RPS6KB1: variants seen among roughly 807,000 people sequenced by gnomAD.
The protein encoded by RPS6KB1 is ribosomal protein S6 kinase beta-1.
In RPS6KB1, 12 loss-of-function variants were observed where a neutral mutation model predicts 70.2. The observed-to-expected ratio is 0.17, with a 90% confidence interval of 0.11 to 0.28. RPS6KB1 has a LOEUF of 0.28. RPS6KB1 is among the 10% of genes least tolerant of loss of function. The pLI, the probability that RPS6KB1 is intolerant of heterozygous loss-of-function variation, is 1.00. For synonymous variants in RPS6KB1, 175 were observed against 211.2 expected, an observed-to-expected ratio of 0.83 and a Z score of 1.49; for missense variants, 270 against 646.6, an observed-to-expected ratio of 0.42 and a Z score of 6.32.
chr17:59,914,606 T>G, intron 3 of RPS6KB1, 29 bp from the exon 4 acceptor site: 1 of 1,580,832 alleles, frequency 6.3e-7, no homozygotes, highest in Non-Finnish European at 8.7e-7. Flanking sequence ...AGTTTGCCTT[T>G]GAATAACACA....
chr17:59,906,020 T>C (rs150453426), intron 1 of RPS6KB1, among the ~76,000 whole-genome samples: 3 of 152,274 alleles, frequency 2.0e-5, no homozygotes, highest in African/African-American at 7.2e-5. Context: ...TTTTTGTGTA[T>C]AGTGTGAAGT....
In RPS6KB1 at chr17:59,948,433, A is replaced by G. The variant is rs551910944; in HGVS notation, c.*1645A>G. On this transcript the variant is annotated 3_prime_UTR_variant, in exon 15 of 15. Coordinates refer to ENST00000225577, the MANE Select transcript of RPS6KB1 (RefSeq NM_003161.4). Reference sequence around the variant, plus strand: ...TAGATGCTGCTTGCTATGTTTTCAAACCTTTTTGAGCCATAGGATCCAAGC... The same window carrying G: ...TAGATGCTGCTTGCTATGTTTTCAAGCCTTTTTGAGCCATAGGATCCAAGC... The G allele has an allele frequency of 6.6e-6, 1 of 152,482 alleles. No individual in the cohort carries two copies. The highest frequency in any genetic ancestry group is 2.4e-5 in the African/African-American group (1 of 41,510). 9.4% of individuals were successfully genotyped at this position (152,482 alleles called of 1,614,324 possible). A position where few individuals can be genotyped will look rare whatever the true frequency, so the allele number is the denominator to read the frequency against.
chr17:59,908,096 G>T (rs1450424166), intron 1 of RPS6KB1, among the ~76,000 whole-genome samples: 1 of 151,896 alleles, frequency 6.6e-6, no homozygotes, highest in Non-Finnish European at 1.5e-5. Flanking sequence ...ATGTTACTCT[G>T]TGTATTAAAA....
chr17:59,923,803 C>T (rs920965051), intron 4 of RPS6KB1, among the ~76,000 whole-genome samples: 5 of 152,030 alleles, frequency 3.3e-5, no homozygotes, highest in South Asian at 4.2e-4. Context: ...CCACCGTGCC[C>T]GACCACATTC....
chr17:59,944,608 TC>T (rs748652581), intron 13 of RPS6KB1, among the ~76,000 whole-genome samples: 2 of 151,938 alleles, frequency 1.3e-5, no homozygotes, highest in African/African-American at 2.4e-5. Flanking sequence ...AAAAACGAAT[TC>T]TGTCCAATCA....
At chr17:59,914,261 T>G (rs1202477553) in intron 3 of RPS6KB1, among the ~76,000 whole-genome samples, 1 of 152,114 alleles carries the variant, frequency 6.6e-6, no homozygotes, top group Non-Finnish European at 1.5e-5. Context: ...CAACTATTTT[T>G]AAATAGTTTT....
intron 5 of RPS6KB1, among the ~76,000 whole-genome samples, 192 bp downstream of exon 5, chr17:59,926,774 A>AT (rs1377181426): frequency 6.6e-6 from 1 of 152,110 alleles, no homozygotes; most frequent in Non-Finnish European, 1.5e-5. Flanking sequence ...GAAACTAAAG[A>AT]TTTTTTTCCC....
chr17:59,912,513 C>T, intron 2 of RPS6KB1, 171 bp from the exon 3 acceptor site: 1 of 552,520 alleles, frequency 1.8e-6, no homozygotes, highest in East Asian at 3.1e-5. Context: ...ATCAGGCCAC[C>T]CTCCTCTTGA....
At chr17:59,912,240 A>G (rs1000486347) in intron 2 of RPS6KB1, 2 of 220,738 alleles carry the variant, frequency 9.1e-6, no homozygotes, top group South Asian at 6.8e-5. Context: ...TGAAAATTCA[A>G]TCAGGGTTCT....
At chr17:59,914,595 T>G (rs1598717942) in intron 3 of RPS6KB1, 40 bp from the exon 4 acceptor site, 3 of 1,440,610 alleles carry the variant, frequency 2.1e-6, no homozygotes, top group Non-Finnish European at 2.9e-6. Context: ...ATGCCTGACA[T>G]AGTTTGCCTT....
chr17:59,943,392 A>G (rs113763915), intron 13 of RPS6KB1, among the ~76,000 whole-genome samples: 7,588 of 152,176 alleles, frequency 0.05, 592 homozygotes, highest in African/African-American at 0.17. Context: ...CCCCCCACAA[A>G]ATAGAAGCAT....
chr17:59,942,380 T>C (rs1007428110), intron 13 of RPS6KB1, among the ~76,000 whole-genome samples: 6 of 152,260 alleles, frequency 3.9e-5, no homozygotes, highest in Admixed American at 3.9e-4. Flanking sequence ...TAAAGGTTTT[T>C]GATGTTGGCC....
intron 1 of RPS6KB1, among the ~76,000 whole-genome samples, chr17:59,900,171 AACACACACACACACACACACACACACAC>A (rs759914423): frequency 3.5e-4 from 36 of 102,494 alleles, no homozygotes; most frequent in Admixed American, 1.1e-3. Context: ...CTAATTGCTA[AACACACACACACACACACACACACACAC>A]ACACACACAC....
chr17:59,897,204 C>A (rs922887012), intron 1 of RPS6KB1, among the ~76,000 whole-genome samples: 2 of 152,174 alleles, frequency 1.3e-5, no homozygotes, highest in African/African-American at 4.8e-5. Flanking sequence ...TGTGGTATGT[C>A]AAAAGTGAAT....
At position 59,949,867 on chromosome 17, in the gene RPS6KB1, A is replaced by G. The variant is rs1484940360; in HGVS notation, c.*3079A>G. Reference sequence around the variant, plus strand: ...ATTAATATACTGAGCCTTGGATTATATATTTAATATAGGACCTATTTTGAA... The same window carrying G: ...ATTAATATACTGAGCCTTGGATTATGTATTTAATATAGGACCTATTTTGAA... On this transcript the variant is annotated 3_prime_UTR_variant, in exon 15 of 15. Coordinates refer to ENST00000225577, the MANE Select transcript of RPS6KB1 (RefSeq NM_003161.4). 2.6e-5 allele frequency: 4 copies of G among 152,534 alleles called. No individual in the cohort carries two copies. Among genetic ancestry groups the G allele is most frequent in the African/African-American group, 9.7e-5 (4 of 41,444 alleles). The allele number at this position is 152,534 out of a possible 1,614,324, so 9.4% of individuals were successfully genotyped here. A position where few individuals can be genotyped will look rare whatever the true frequency, so the allele number is the denominator to read the frequency against.
intron 4 of RPS6KB1, among the ~76,000 whole-genome samples, chr17:59,925,188 C>T (rs2043532436): frequency 6.6e-6 from 1 of 151,254 alleles, no homozygotes; most frequent in Admixed American, 6.6e-5. Context: ...AGGTTTTGGG[C>T]CAATATCCTA....
At chr17:59,895,871 A>G (rs186125921) in intron 1 of RPS6KB1, among the ~76,000 whole-genome samples, 8 of 151,552 alleles carry the variant, frequency 5.3e-5, no homozygotes, top group African/African-American at 1.9e-4. Context: ...GAGCTCCAGC[A>G]ATCTGCCAGC....
intron 3 of RPS6KB1, among the ~76,000 whole-genome samples, chr17:59,914,345 T>C (rs2042818516): frequency 6.6e-6 from 1 of 152,246 alleles, no homozygotes; most frequent in Non-Finnish European, 1.5e-5. Flanking sequence ...AAGGTGGTAT[T>C]ATGCCTCTGG....
At chr17:59,943,921 T>C (rs1048471105) in intron 13 of RPS6KB1, among the ~76,000 whole-genome samples, 25 of 139,692 alleles carry the variant, frequency 1.8e-4, no homozygotes, top group South Asian at 7.0e-4. Context: ...TATATATATA[T>C]ACACACATAC....
Sources: allele counts gnomAD v4.1 joint callset (sites outside exome capture counted in the v4.1 genomes callset), GRCh38; gene constraint gnomAD v4.1.1; transcripts MANE v1.5; gene names NCBI Gene and HGNC (gene_info 2026-07-23, HGNC 2026-07-21).